FTCDNL1: variants seen among roughly 807,000 people sequenced by gnomAD.
FTCDNL1 encodes formiminotransferase cyclodeaminase N-terminal like, also known as formiminotransferase N-terminal subdomain-containing protein.
FTCDNL1 carries 11 observed loss-of-function variants against 5.9 expected under a neutral mutation model. That is an observed-to-expected ratio of 1.87 (90% CI 1.18 to 3.10). The LOEUF (loss-of-function observed/expected upper bound fraction) is 3.10, where lower values mean the gene tolerates loss of function less well. FTCDNL1 is among the 30% of genes most tolerant of loss of function. The pLI, the probability that FTCDNL1 is intolerant of heterozygous loss-of-function variation, is 0.00. For missense variants in FTCDNL1, 115 were observed against 65.5 expected, an observed-to-expected ratio of 1.76 and a Z score of -2.61; for synonymous variants, 58 against 24.8, an observed-to-expected ratio of 2.34 and a Z score of -3.99.
chr2:199,842,284 AT>A (rs2076611286), intron 3 of FTCDNL1, among the ~76,000 whole-genome samples: 1 of 151,964 alleles, frequency 6.6e-6, no homozygotes, highest in South Asian at 2.1e-4. Context: ...TTTAAAAAAA[AT>A]AAAACTTCAT....
At chr2:199,698,158 A>ACC in the FTCDNL1 span, among the ~76,000 whole-genome samples, 1 of 152,204 alleles carries the variant, frequency 6.6e-6, no homozygotes, top group Non-Finnish European at 1.5e-5. Flanking sequence ...ACCTACAAAG[A>ACC]GACTTAGATG....
the FTCDNL1 span, among the ~76,000 whole-genome samples, chr2:199,719,492 T>A: frequency 6.6e-6 from 1 of 152,232 alleles, no homozygotes; most frequent in Non-Finnish European, 1.5e-5. Flanking sequence ...TTGCTTAGAA[T>A]TGCCTTGGCT....
the FTCDNL1 span, among the ~76,000 whole-genome samples, chr2:199,688,739 T>C: frequency 6.6e-6 from 1 of 152,232 alleles, no homozygotes; most frequent in South Asian, 2.1e-4. Context: ...AGACCTTTTC[T>C]AGCTCTAAAA....
chr2:199,736,846 T>A, the FTCDNL1 span, among the ~76,000 whole-genome samples: 1 of 152,222 alleles, frequency 6.6e-6, no homozygotes, highest in Non-Finnish European at 1.5e-5. Flanking sequence ...TCAATTGAAC[T>A]GGTAATTTGA....
At chr2:199,813,982 T>C (rs548938827) in intron 4 of FTCDNL1, among the ~76,000 whole-genome samples, 5 of 147,688 alleles carry the variant, frequency 3.4e-5, no homozygotes, top group African/African-American at 1.0e-4. Context: ...CCAGGAACCA[T>C]GCAGGTTGCT....
chr2:199,828,945 T>C (rs796363), intron 3 of FTCDNL1, among the ~76,000 whole-genome samples: 97,034 of 152,008 alleles, frequency 0.64, 31,224 homozygotes, highest in South Asian at 0.77. Context: ...TGAGAAACCA[T>C]GGGATCAATT....
chr2:199,673,057 G>C, the FTCDNL1 span, among the ~76,000 whole-genome samples: 1 of 152,274 alleles, frequency 6.6e-6, no homozygotes, highest in East Asian at 1.9e-4. Context: ...GCTGGGCACA[G>C]TGGCTCACAC....
chr2:199,740,049 A>G, the FTCDNL1 span, among the ~76,000 whole-genome samples: 1 of 152,314 alleles, frequency 6.6e-6, no homozygotes, highest in East Asian at 1.9e-4. Context: ...TCGAGGGTGG[A>G]AAACAACCAC....
the FTCDNL1 span, among the ~76,000 whole-genome samples, chr2:199,705,038 A>G: frequency 1.5e-3 from 221 of 152,312 alleles, 1 homozygote; most frequent in African/African-American, 5.0e-3. Flanking sequence ...CTGTGAGCTC[A>G]TGGGGCCACA....
chr2:199,820,357 A>C (rs960828980), intron 3 of FTCDNL1, among the ~76,000 whole-genome samples: 1 of 152,198 alleles, frequency 6.6e-6, no homozygotes, highest in Non-Finnish European at 1.5e-5. Context: ...TAATTCCAGT[A>C]CTTTGGGAGG....
the FTCDNL1 span, among the ~76,000 whole-genome samples, chr2:199,694,031 T>C: frequency 1.3e-5 from 2 of 152,110 alleles, no homozygotes; most frequent in Non-Finnish European, 2.9e-5. Flanking sequence ...GAGGTAAGGA[T>C]TGGGTATTTA....
the FTCDNL1 span, among the ~76,000 whole-genome samples, chr2:199,692,105 T>C: frequency 1.2e-3 from 183 of 152,296 alleles, 1 homozygote; most frequent in African/African-American, 4.1e-3. Flanking sequence ...GATGAAATCA[T>C]CCAGATTTTT....
the FTCDNL1 span, among the ~76,000 whole-genome samples, chr2:199,711,502 C>T: frequency 4.6e-5 from 7 of 152,124 alleles, no homozygotes; most frequent in African/African-American, 1.7e-4. Context: ...CCTCAGGAGT[C>T]TTTGTTATGG....
the FTCDNL1 span, among the ~76,000 whole-genome samples, chr2:199,744,538 G>C: frequency 6.6e-6 from 1 of 152,146 alleles, no homozygotes; most frequent in Non-Finnish European, 1.5e-5. Context: ...AGAGGCCTCA[G>C]GAGAAACCAA....
intron 3 of FTCDNL1, among the ~76,000 whole-genome samples, chr2:199,769,374 C>T (rs887584372): frequency 1.1e-4 from 16 of 152,078 alleles, no homozygotes; most frequent in Admixed American, 2.6e-4. Flanking sequence ...GTCTCATGAG[C>T]TCTGATAGTT....
At chr2:199,678,524 T>C in the FTCDNL1 span, among the ~76,000 whole-genome samples, 1 of 152,142 alleles carries the variant, frequency 6.6e-6, no homozygotes, top group Non-Finnish European at 1.5e-5. Context: ...GTGGACACAG[T>C]ATTTCCTTGA....
At chr2:199,817,686 T>C (rs1397768634) in intron 4 of FTCDNL1, among the ~76,000 whole-genome samples, 4 of 149,010 alleles carry the variant, frequency 2.7e-5, no homozygotes, top group Non-Finnish European at 4.4e-5. Flanking sequence ...GTGGCTGCAG[T>C]GAGCCGAGAT....
At chr2:199,829,793 C>T (rs180787647) in intron 3 of FTCDNL1, among the ~76,000 whole-genome samples, 42 of 152,232 alleles carry the variant, frequency 2.8e-4, no homozygotes, top group Non-Finnish European at 5.1e-4. Flanking sequence ...ATAACTCATT[C>T]GTTTTGTTAT....
the FTCDNL1 span, among the ~76,000 whole-genome samples, chr2:199,672,496 A>T: frequency 2.0e-5 from 3 of 152,196 alleles, no homozygotes; most frequent in African/African-American, 7.2e-5. Context: ...GGTGTAAAAT[A>T]ATAAAAATCA....
Sources: gnomAD v4.1 joint callset for allele counts (sites outside exome capture counted in the v4.1 genomes callset) on GRCh38, gnomAD v4.1.1 for gene constraint, MANE v1.5 for transcripts, NCBI Gene and HGNC (gene_info 2026-07-23, HGNC 2026-07-21) for gene names.